ATP8B2: variants seen among roughly 807,000 people sequenced by gnomAD.
ATP8B2 encodes the protein ATPase phospholipid transporting 8B2.
Under a neutral mutation model 133.4 loss-of-function variants are expected in ATP8B2, and 70 were observed. The ratio of observed to expected loss-of-function variants is 0.52; its 90% CI spans 0.43 to 0.64. The LOEUF is 0.64. Among genes scored for constraint, ATP8B2 ranks in the 30% least tolerant of loss-of-function variants. The pLI is 0.00. For synonymous variants in ATP8B2, 517 were observed against 589.5 expected (o/e 0.88, Z 1.78); for missense variants, 1,101 against 1,535.7 (o/e 0.72, Z 4.73).
rs1360622539 is a variant in ATP8B2 at position 154,344,468 on chromosome 1, C to T, written c.2109C>T (p.Gly703=). 2 of 1,614,020 alleles carry T rather than the reference C, an allele frequency of 1.2e-6. No homozygotes were observed. The highest frequency in any genetic ancestry group is 1.7e-6 in the Non-Finnish European group (2 of 1,180,032). The change falls in exon 20 of 28, where the codon GGC becomes GGT. Residue 703 remains glycine (G), a synonymous_variant. Transcript: ENST00000368489. The surrounding 1 kb of genome is among the most constrained non-coding windows in gnomAD (Gnocchi z 4.1). ...TGACTGAGGTTTTCATAGTCACTGG[C>T]CATACTGTCCTGGAGGTGCGGGAGG... is the stretch of plus-strand genomic sequence containing the variant. ...DDMTEVFIVT[G]HTVLEVREEL... is the part of the protein sequence containing the mutation.
At position 154,343,859 on chromosome 1, in the gene ATP8B2, C is replaced by A; in HGVS notation, c.1759-34C>A. 2 of 1,578,150 alleles carry A rather than the reference C, an allele frequency of 1.3e-6. No homozygotes were observed. The highest frequency in any genetic ancestry group is 1.2e-5 in the South Asian group (1 of 86,250). On this transcript the variant is annotated intron_variant, in intron 17 of 27. Coordinates refer to ENST00000368489, the MANE Select transcript of ATP8B2 (RefSeq NM_001370597.1). This position sits in a 1 kb window ranked among gnomAD's most constrained non-coding sequence, Gnocchi z 5.8. ...TCACGCTGTCCATTAGCTCTCCAGA[C>A]TTACCCAGGTGTGCCTTTCCACTCT...
At position 154,331,983 on chromosome 1, in the gene ATP8B2, G is replaced by A; in HGVS notation, c.468G>A (p.Glu156=). The A allele has an allele frequency of 1.2e-6, 2 of 1,614,154 alleles. No homozygotes were observed. The highest frequency in any genetic ancestry group is 1.1e-5 in the South Asian group (1 of 91,072). ...AADLLLLSSS[E]PHGLCYIETA... is the part of the protein sequence containing the mutation. Reference sequence around the variant, plus strand: ...ATCTCCTCCTCCTTTCCAGCAGTGAGCCCCATGGGCTGTGTTACATAGAGA... The same window carrying A: ...ATCTCCTCCTCCTTTCCAGCAGTGAACCCCATGGGCTGTGTTACATAGAGA... Residue 156 remains glutamate, a synonymous_variant, in exon 8 of 28, where the codon GAG becomes GAA. Coordinates refer to ENST00000368489, the MANE Select transcript of ATP8B2 (RefSeq NM_001370597.1). The surrounding 1 kb of genome is among the most constrained non-coding windows in gnomAD (Gnocchi z 4.8).
At position 154,343,962 on chromosome 1, in the gene ATP8B2, G is replaced by A; in HGVS notation, c.1828G>A (p.Glu610Lys). The change falls in exon 18 of 28, where the codon GAG becomes AAG. Residue 610 changes from glutamate (E) to lysine (K), a missense_variant. Physicochemically the swap from Glu to Lys is moderately conservative, Grantham distance 56. Coordinates refer to ENST00000368489, the MANE Select transcript of ATP8B2 (RefSeq NM_001370597.1). This position sits in a 1 kb window ranked among gnomAD's most constrained non-coding sequence, Gnocchi z 5.8. ...YKDLDEEYYE[E>K]WAERRLQASL... Reference sequence around the variant, plus strand: ...GGATCTGGATGAAGAGTACTACGAGGAGTGGGCTGAGCGACGCCTCCAGGC... The same window carrying A: ...GGATCTGGATGAAGAGTACTACGAGAAGTGGGCTGAGCGACGCCTCCAGGC... The A allele has an allele frequency of 1.2e-6, 2 of 1,614,012 alleles. No individual in the cohort carries two copies. The highest frequency in any genetic ancestry group is 1.7e-6 in the Non-Finnish European group (2 of 1,179,916).
In ATP8B2 at chr1:154,331,874, T is replaced by C. The variant is rs950414211; in HGVS notation, c.439-80T>C. On this transcript the variant is annotated intron_variant, in intron 7 of 27. Transcript: ENST00000368489. This position sits in a 1 kb window ranked among gnomAD's most constrained non-coding sequence, Gnocchi z 4.8. ...CTGGAACTAAGCAAACCAAGAATGC[T>C]TAGTGGAAGGAGCCACCATTACAGC... 2.1e-5 allele frequency: 30 copies of C among 1,448,736 alleles called. No individual in the cohort carries two copies. The highest frequency in any genetic ancestry group is 2.6e-5 in the Non-Finnish European group (27 of 1,031,046). The allele number at this position is 1,448,736 out of a possible 1,614,324, so 89.7% of individuals were successfully genotyped here. A position where few individuals can be genotyped will look rare whatever the true frequency, so the allele number is the denominator to read the frequency against.
At position 154,344,954 on chromosome 1, in the gene ATP8B2, G is replaced by A; in HGVS notation, c.2287-17G>A. 3 of 1,601,516 alleles carry A rather than the reference G, an allele frequency of 1.9e-6. No homozygotes were observed. Among genetic ancestry groups the A allele is most frequent in the Non-Finnish European group, 2.6e-6 (3 of 1,172,728 alleles). ...CTCCTGGAAAGACTGGCTCTCTCAG[G>A]TTTCTCTGTGCTCCAGGCCCACGCA... On this transcript the variant is annotated splice_polypyrimidine_tract_variant and intron_variant, in intron 21 of 27. Transcript: ENST00000368489. This position sits in a 1 kb window ranked among gnomAD's most constrained non-coding sequence, Gnocchi z 4.1.
chr1:154,350,177 G>A lies in ATP8B2; in HGVS notation c.*1059G>A, dbSNP rs1686737085. The stretch of plus-strand genomic sequence containing the variant: ...CAACCTCCACCTCCTGGGTTCAAGC[G>A]ATTCTCCTGCCTCAGCCTCCTGAGT... On this transcript the variant is annotated 3_prime_UTR_variant, in exon 28 of 28. Coordinates refer to ENST00000368489, the MANE Select transcript of ATP8B2 (RefSeq NM_001370597.1). 6.6e-6 allele frequency: 1 copy of A among 151,632 alleles called. No homozygotes were observed. The highest frequency in any genetic ancestry group is 2.1e-4 in the South Asian group (1 of 4,820). 9.4% of individuals were successfully genotyped at this position (151,632 alleles called of 1,614,324 possible).
Position 154,350,779 on chromosome 1 carries a change from GCTAC to G in ATP8B2, c.*1665_*1668del, listed in dbSNP as rs1283625094. On this transcript the variant is annotated 3_prime_UTR_variant, in exon 28 of 28. Transcript: ENST00000368489. ...AAATAAGGCATTTCCCAAGTTAGTC[GCTAC>G]CTAATCAGCCTTGAGAAGAATCCTT... The G allele has an allele frequency of 6.6e-6, 1 of 152,358 alleles. No homozygotes were observed. Among genetic ancestry groups the G allele is most frequent in the Non-Finnish European group, 1.5e-5 (1 of 68,044 alleles). 9.4% of individuals were successfully genotyped at this position (152,358 alleles called of 1,614,324 possible).
rs10664836 is a variant in ATP8B2, at chr1:154,346,873, T to TTTTATTTA, written c.3163+131_3163+138dup. 9.7e-5 allele frequency: 98 copies of TTTTATTTA among 1,012,924 alleles called. No individual in the cohort carries two copies. Among genetic ancestry groups the TTTTATTTA allele is most frequent in the Middle Eastern group, 7.0e-4 (2 of 2,838 alleles). The allele number at this position is 1,012,924 out of a possible 1,614,324, so 62.7% of individuals were successfully genotyped here. A position where few individuals can be genotyped will look rare whatever the true frequency, so the allele number is the denominator to read the frequency against. Reference sequence around the variant, plus strand: ...TCTTATGTGCCAAGTATTCTGTTTATTTTATTTATTTATTTATTTATTTTC... The same window carrying TTTTATTTA: ...TCTTATGTGCCAAGTATTCTGTTTATTTTATTTATTTATTTATTTATTTATTTATTTTC... On this transcript the variant is annotated intron_variant, in intron 26 of 27. Transcript: ENST00000368489. This position sits in a 1 kb window ranked among gnomAD's most constrained non-coding sequence, Gnocchi z 4.5.
At chr1:154,337,151 A>G (rs1194670990) in intron 11 of ATP8B2, among the ~76,000 whole-genome samples, 197 bp from the exon 12 acceptor site, 1 of 150,496 alleles carries the variant, frequency 6.6e-6, no homozygotes, top group Non-Finnish European at 1.5e-5. Context: ...TTCAGCTGTT[A>G]CCAAAATCTC....
At chr1:154,332,138 G>A in intron 8 of ATP8B2, 114 bp downstream of exon 8, 1 of 1,065,564 alleles carries the variant, frequency 9.4e-7, no homozygotes, top group South Asian at 1.3e-5. Flanking sequence ...AAAATTAGGG[G>A]TAAGAAAGGC....
At chr1:154,335,899 C>T (rs1056602108) in intron 11 of ATP8B2, among the ~76,000 whole-genome samples, 3 of 151,778 alleles carry the variant, frequency 2.0e-5, no homozygotes, top group African/African-American at 7.3e-5. Flanking sequence ...AATAGCTGGG[C>T]GTGGTGGCGG....
At chr1:154,332,180 C>G (rs1686016915) in intron 8 of ATP8B2, among the ~76,000 whole-genome samples, 156 bp downstream of exon 8, 1 of 152,118 alleles carries the variant, frequency 6.6e-6, no homozygotes, top group African/African-American at 2.4e-5. Context: ...GTTATTCAAC[C>G]AGTATTTGCT....
In ATP8B2 at chr1:154,334,334, G is replaced by A. The variant is rs1427881076; in HGVS notation, c.748+69G>A. ...AGCCAGCCCTCACTCAGGAGTATGG[G>A]ATGAGGTGGGAGAATACCTAAGGTA... On this transcript the variant is annotated intron_variant, in intron 10 of 27. Transcript: ENST00000368489. The surrounding 1 kb of genome is among the most constrained non-coding windows in gnomAD (Gnocchi z 4.6). 3 of 1,587,658 alleles carry A rather than the reference G, an allele frequency of 1.9e-6. No homozygotes were observed. The African/African-American group carries it at 4.0e-5, about 21-fold the overall frequency.
Position 154,342,790 on chromosome 1 carries a change from T to A in ATP8B2, c.1288-6T>A, listed in dbSNP as rs576232598. Reference sequence around the variant, plus strand: ...CCTTTCCTAAGAGCCTTCTTATGTGTTTCAGAGGCCTGAACCTGTTGACTT... The same window carrying A: ...CCTTTCCTAAGAGCCTTCTTATGTGATTCAGAGGCCTGAACCTGTTGACTT... On this transcript the variant is annotated splice_region_variant and splice_polypyrimidine_tract_variant and intron_variant, in intron 14 of 27. Transcript: ENST00000368489. 4.3e-6 allele frequency: 7 copies of A among 1,613,832 alleles called. No homozygotes were observed. In the East Asian group the frequency reaches 1.6e-4, roughly 36 times the overall value.
At position 154,328,772 on chromosome 1, in the gene ATP8B2, T is replaced by TGG; in HGVS notation, c.31+605_31+606dup. The TGG allele has an allele frequency of 1.0e-6, 1 of 998,566 alleles. No individual in the cohort carries two copies. The highest frequency in any genetic ancestry group is 1.2e-6 in the Non-Finnish European group (1 of 840,180). 61.9% of individuals were successfully genotyped at this position (998,566 alleles called of 1,614,324 possible). Reference sequence around the variant, plus strand: ...GCACGCTGGCATCCGCCGGGGGGCATGGGGGGCGGCGGCGGCGGCGCAGCT... The same window carrying TGG: ...GCACGCTGGCATCCGCCGGGGGGCATGGGGGGGGCGGCGGCGGCGGCGCAGCT... On this transcript the variant is annotated intron_variant, in intron 2 of 27. Transcript: ENST00000368489. This position sits in a 1 kb window ranked among gnomAD's most constrained non-coding sequence, Gnocchi z 4.6.
chr1:154,335,246 C>G (rs1421627845), intron 11 of ATP8B2, among the ~76,000 whole-genome samples: 1 of 152,152 alleles, frequency 6.6e-6, no homozygotes, highest in Non-Finnish European at 1.5e-5. Flanking sequence ...GCTCCAGTCG[C>G]CCCCTGGTGG....
chr1:154,341,302 TAGTG>T lies in ATP8B2; in HGVS notation c.1243+243_1243+246del, dbSNP rs1328413155. ...GAATGCGAGACCAGCCTGGGCAACATAGTGAGACCACATCCCTACAAAAAATTTA... is the reference window on the plus strand; with the variant it reads ...GAATGCGAGACCAGCCTGGGCAACATAGACCACATCCCTACAAAAAATTTA... On this transcript the variant is annotated intron_variant, in intron 13 of 27. Coordinates refer to ENST00000368489, the MANE Select transcript of ATP8B2 (RefSeq NM_001370597.1). The T allele has an allele frequency of 1.7e-5, 10 of 577,478 alleles. No individual in the cohort carries two copies. The East Asian group carries it at 2.1e-4, about 12-fold the overall frequency. The allele number at this position is 577,478 out of a possible 1,614,324, so 35.8% of individuals were successfully genotyped here.
Position 154,331,558 on chromosome 1 carries a change from A to G in ATP8B2, c.366-48A>G. 6.2e-7 allele frequency: 1 copy of G among 1,612,968 alleles called. No individual in the cohort carries two copies. Among genetic ancestry groups the G allele is most frequent in the Non-Finnish European group, 8.5e-7 (1 of 1,179,044 alleles). On this transcript the variant is annotated intron_variant, in intron 6 of 27. Coordinates refer to ENST00000368489, the MANE Select transcript of ATP8B2 (RefSeq NM_001370597.1). This position sits in a 1 kb window ranked among gnomAD's most constrained non-coding sequence, Gnocchi z 4.8. The stretch of plus-strand genomic sequence containing the variant: ...TGGGGACGAAGGGGGTCCCTTAGGA[A>G]CCTCTTTAGCTCCTGACAGCCTCTT...
Position 154,331,799 on chromosome 1 carries a change from C to G in ATP8B2, c.438+121C>G. The G allele has an allele frequency of 7.6e-7, 1 of 1,313,030 alleles. No homozygotes were observed. The allele number at this position is 1,313,030 out of a possible 1,614,324, so 81.3% of individuals were successfully genotyped here. ...CCCGTGGCAGGAATCTTTCTCACAC[C>G]AGGGGCTTCTGTGTCATGCTGATAT... On this transcript the variant is annotated intron_variant, in intron 7 of 27. Transcript: ENST00000368489. The surrounding 1 kb of genome is among the most constrained non-coding windows in gnomAD (Gnocchi z 4.8).
Sources: gnomAD v4.1 joint callset for allele counts (sites outside exome capture counted in the v4.1 genomes callset) on GRCh38, gnomAD v4.1.1 for gene constraint, Gnocchi (gnomAD v3.1) non-coding constraint, MANE v1.5 for transcripts, NCBI Gene and HGNC (gene_info 2026-07-23, HGNC 2026-07-21) for gene names.